Variants in TUSC3 observed in about 807,000 individuals in gnomAD.
The protein encoded by TUSC3 is dolichyl-diphosphooligosaccharide--protein glycosyltransferase subunit TUSC3.
In TUSC3, 45 loss-of-function variants were observed where a neutral mutation model predicts 44.8. The ratio of observed to expected loss-of-function variants is 1.00; its 90% CI spans 0.79 to 1.29. The LOEUF is 1.29. Ranked by LOEUF, TUSC3 falls within the 50% of genes most tolerant of loss-of-function variation. The pLI is 0.00. For synonymous variants in TUSC3, 212 were observed against 152.9 expected (o/e 1.39, Z -2.85); for missense variants, 519 against 437.9 (o/e 1.19, Z -1.65).
the TUSC3 span, among the ~76,000 whole-genome samples, chr8:15,841,469 T>C: frequency 1.3e-5 from 2 of 152,172 alleles, no homozygotes; most frequent in Non-Finnish European, 2.9e-5. Context: ...AGAAATCTGT[T>C]ATACTAATTA....
At chr8:15,577,412 G>A (rs533052885) in intron 1 of TUSC3, among the ~76,000 whole-genome samples, 1 of 151,726 alleles carries the variant, frequency 6.6e-6, no homozygotes, top group Non-Finnish European at 1.5e-5. Context: ...AATGGTAAAT[G>A]CCTAGGTTTT....
At chr8:15,850,009 C>T in the TUSC3 span, among the ~76,000 whole-genome samples, 13 of 152,062 alleles carry the variant, frequency 8.5e-5, no homozygotes, top group Admixed American at 2.0e-4. Context: ...CATTCATCTT[C>T]GACTTCCTCT....
At chr8:15,741,292 C>T (rs1336099570) in intron 7 of TUSC3, among the ~76,000 whole-genome samples, 2 of 152,124 alleles carry the variant, frequency 1.3e-5, no homozygotes, top group African/African-American at 4.8e-5. Context: ...TGCCATTTCC[C>T]CCATGATTCA....
At chr8:15,438,304 C>T (rs1799977538) in intron 1 of TUSC3, among the ~76,000 whole-genome samples, 1 of 152,140 alleles carries the variant, frequency 6.6e-6, no homozygotes, top group Admixed American at 6.5e-5. Flanking sequence ...CCATGTTGGT[C>T]AGGCTAGTCT....
chr8:15,419,815 G>A (rs1406050223), intron 1 of TUSC3, among the ~76,000 whole-genome samples: 1 of 152,134 alleles, frequency 6.6e-6, no homozygotes, highest in African/African-American at 2.4e-5. Context: ...CCATTGTATG[G>A]TAAGAACAGT....
At chr8:15,509,895 T>C (rs1801108617) in intron 2 of TUSC3, among the ~76,000 whole-genome samples, 1 of 152,174 alleles carries the variant, frequency 6.6e-6, no homozygotes, top group African/African-American at 2.4e-5. Flanking sequence ...TCCCCAGTTA[T>C]CTAATGCTTA....
chr8:15,603,787 A>AT (rs58924258), intron 1 of TUSC3, among the ~76,000 whole-genome samples: 77 of 148,832 alleles, frequency 5.2e-4, no homozygotes, highest in African/African-American at 1.3e-3. Context: ...TGCTAATTCT[A>AT]TTTTTTTTTT....
chr8:15,721,791 A>G (rs193086721), intron 6 of TUSC3, among the ~76,000 whole-genome samples: 4 of 152,176 alleles, frequency 2.6e-5, no homozygotes, highest in Admixed American at 2.0e-4. Flanking sequence ...CAGACTTTTT[A>G]AAGTTTATGT....
chr8:15,713,412 A>G (rs35229242), intron 6 of TUSC3, among the ~76,000 whole-genome samples: 2,394 of 151,520 alleles, frequency 0.016, 28 homozygotes, highest in Non-Finnish European at 0.024. Flanking sequence ...AAAGCTGACA[A>G]TAAACATAAG....
chr8:15,842,597 G>A, the TUSC3 span, among the ~76,000 whole-genome samples: 1 of 152,156 alleles, frequency 6.6e-6, no homozygotes, highest in Non-Finnish European at 1.5e-5. Flanking sequence ...TGCATGCAAA[G>A]CAAGATTTGT....
At chr8:15,695,297 T>C (rs748323210) in intron 6 of TUSC3, among the ~76,000 whole-genome samples, 1 of 152,206 alleles carries the variant, frequency 6.6e-6, no homozygotes, top group African/African-American at 2.4e-5. Flanking sequence ...ATTCTCATGA[T>C]AGTGAATAAG....
intron 7 of TUSC3, among the ~76,000 whole-genome samples, chr8:15,735,321 G>A (rs983392884): frequency 6.6e-6 from 1 of 152,138 alleles, no homozygotes; most frequent in African/African-American, 2.4e-5. Flanking sequence ...CACAAGTAAG[G>A]TTCAAGAACA....
intron 2 of TUSC3, among the ~76,000 whole-genome samples, chr8:15,644,595 T>A (rs1806541095): frequency 6.6e-6 from 1 of 152,162 alleles, no homozygotes; most frequent in Non-Finnish European, 1.5e-5. Flanking sequence ...TTAGGTTTTC[T>A]CTGTCCCCTA....
intron 6 of TUSC3, among the ~76,000 whole-genome samples, chr8:15,722,502 C>T (rs1416758705): frequency 6.6e-6 from 1 of 152,082 alleles, no homozygotes; most frequent in African/African-American, 2.4e-5. Flanking sequence ...CTCAGTTTCT[C>T]TCTTCCTATA....
At chr8:15,818,223 C>A in the TUSC3 span, among the ~76,000 whole-genome samples, 2 of 152,130 alleles carry the variant, frequency 1.3e-5, no homozygotes, top group African/African-American at 4.8e-5. Context: ...AAAATTGACA[C>A]ATGATAGTCA....
chr8:15,816,010 G>A, the TUSC3 span, among the ~76,000 whole-genome samples: 2 of 152,080 alleles, frequency 1.3e-5, no homozygotes, highest in African/African-American at 4.8e-5. Context: ...GGAGGAAGAG[G>A]TACTAGATAT....
chr8:15,456,143 C>G (rs1384081432), intron 1 of TUSC3, among the ~76,000 whole-genome samples: 1 of 152,176 alleles, frequency 6.6e-6, no homozygotes, highest in Non-Finnish European at 1.5e-5. Context: ...TCACTCCTTT[C>G]CTCACACTAG....
chr8:15,669,502 TACAG>T (rs1395058677), intron 5 of TUSC3, among the ~76,000 whole-genome samples: 1 of 151,722 alleles, frequency 6.6e-6, no homozygotes, highest in Non-Finnish European at 1.5e-5. Context: ...ACAAAAAAAT[TACAG>T]ACAGTAATAA....
upstream of TUSC3, among the ~76,000 whole-genome samples, chr8:15,535,570 G>A (rs144675906): frequency 7.6e-4 from 111 of 146,714 alleles, no homozygotes; most frequent in African/African-American, 2.7e-3. Flanking sequence ...ATTTGTGTCA[G>A]GTGAACAGGG....
Sources: allele counts gnomAD v4.1 joint callset (sites outside exome capture counted in the v4.1 genomes callset), GRCh38; gene constraint gnomAD v4.1.1; transcripts MANE v1.5; gene names NCBI Gene and HGNC (gene_info 2026-07-23, HGNC 2026-07-21).